The following CYRIA variants were observed in gnomAD, a reference collection of about 807,000 sequenced individuals.
The protein encoded by CYRIA is CYFIP-related Rac1 interactor A.
In CYRIA, 15 loss-of-function variants were observed where a neutral mutation model predicts 43.9. The ratio of observed to expected loss-of-function variants is 0.34; its 90% confidence interval spans 0.23 to 0.53. The LOEUF is 0.53. Ranked by LOEUF, CYRIA falls within the 20% of genes least tolerant of loss-of-function variation. The probability of loss-of-function intolerance (pLI) is 0.94; values close to 1 mark genes in which losing one functional copy is unlikely to be tolerated. For missense variants in CYRIA, 236 were observed against 394.2 expected (o/e 0.60, Z 3.40); for synonymous variants, 117 against 136.0 (o/e 0.86, Z 0.97).
chr2:16,614,703 C>T (rs1668720350), intron 2 of CYRIA, among the ~76,000 whole-genome samples: 1 of 152,196 alleles, frequency 6.6e-6, no homozygotes, highest in Non-Finnish European at 1.5e-5. Flanking sequence ...ATCTCAGGTC[C>T]TCTGGTACTC....
chr2:16,606,648 C>T (rs1022289992), intron 2 of CYRIA, among the ~76,000 whole-genome samples: 1 of 151,938 alleles, frequency 6.6e-6, no homozygotes, highest in Non-Finnish European at 1.5e-5. Flanking sequence ...TGAAGTTTAT[C>T]TGCCTCCATA....
intron 1 of CYRIA, among the ~76,000 whole-genome samples, chr2:16,629,184 C>G (rs4832471): frequency 0.45 from 68,540 of 151,942 alleles, 17,522 homozygotes; most frequent in East Asian, 0.8. Flanking sequence ...GACCTGGGGT[C>G]CTCAGGGGAC....
intron 1 of CYRIA, among the ~76,000 whole-genome samples, chr2:16,663,678 G>A (rs1019253499): frequency 2.9e-4 from 44 of 152,076 alleles, no homozygotes; most frequent in Admixed American, 2.8e-3. Flanking sequence ...AGTAAAAACA[G>A]GAAGTCACAA....
chr2:16,562,790 G>A (rs1287767797), intron 5 of CYRIA, among the ~76,000 whole-genome samples: 1 of 152,126 alleles, frequency 6.6e-6, no homozygotes, highest in African/African-American at 2.4e-5. Context: ...AGCCAAATCC[G>A]GTCCATTACT....
chr2:16,628,378 C>T (rs990859786), intron 1 of CYRIA, among the ~76,000 whole-genome samples: 1 of 152,144 alleles, frequency 6.6e-6, no homozygotes, highest in Non-Finnish European at 1.5e-5. Flanking sequence ...CTGTGAGGCC[C>T]CTGATCTCAC....
At chr2:16,609,389 T>C (rs565373545) in intron 2 of CYRIA, among the ~76,000 whole-genome samples, 6 of 152,162 alleles carry the variant, frequency 3.9e-5, no homozygotes, top group Non-Finnish European at 8.8e-5. Context: ...AACATCTCAA[T>C]TGTAACATGG....
Position 16,561,496 on chromosome 2 carries a change from T to A in CYRIA, c.473A>T (p.Tyr158Phe). 1 of 1,613,768 alleles carries A rather than the reference T, an allele frequency of 6.2e-7. No individual in the cohort carries two copies. The highest frequency in any genetic ancestry group is 8.5e-7 in the Non-Finnish European group (1 of 1,179,768). Residue 158 changes from tyrosine (Y) to phenylalanine (F), a missense_variant, in exon 7 of 12, where the codon TAC becomes TTC. Physicochemically the swap from Tyr to Phe is conservative, Grantham distance 22. Coordinates refer to ENST00000381323, the MANE Select transcript of CYRIA (RefSeq NM_030797.4). ...GCGGTTGCGACTGATTGTTCTTCTG[T>A]AGTAGCTGAAGTCATTCTGAATAGC... is the stretch of plus-strand genomic sequence containing the variant. ...NPAIQNDFSY[Y>F]RRTISRNRIN...
chr2:16,641,870 T>G (rs1335708028), intron 1 of CYRIA, among the ~76,000 whole-genome samples: 9 of 152,208 alleles, frequency 5.9e-5, no homozygotes, highest in Admixed American at 4.6e-4. Flanking sequence ...AACTCTCTCT[T>G]CATCTTTATT....
chr2:16,592,539 G>A (rs1166741719), intron 2 of CYRIA, among the ~76,000 whole-genome samples: 2 of 152,164 alleles, frequency 1.3e-5, no homozygotes, highest in African/African-American at 4.8e-5. Context: ...AAGTGAAGGT[G>A]TCTGGGCATC....
intron 1 of CYRIA, among the ~76,000 whole-genome samples, chr2:16,626,199 C>A (rs536077862): frequency 2.0e-5 from 3 of 151,936 alleles, no homozygotes; most frequent in Non-Finnish European, 2.9e-5. Context: ...ATTCATAGAC[C>A]CCTGATGGGC....
chr2:16,610,936 A>ATATC (rs1213859384), intron 2 of CYRIA, among the ~76,000 whole-genome samples: 10 of 127,938 alleles, frequency 7.8e-5, no homozygotes, highest in South Asian at 2.5e-4. Context: ...ATATATATAT[A>ATATC]TCCTGTATAT....
chr2:16,564,540 C>T (rs566049101), intron 4 of CYRIA, among the ~76,000 whole-genome samples: 4 of 152,204 alleles, frequency 2.6e-5, no homozygotes, highest in Non-Finnish European at 4.4e-5. Flanking sequence ...GTAGAAAAAC[C>T]ACCTCTTACT....
At chr2:16,635,287 T>C (rs921413246) in intron 1 of CYRIA, among the ~76,000 whole-genome samples, 3 of 152,184 alleles carry the variant, frequency 2.0e-5, no homozygotes, top group Non-Finnish European at 4.4e-5. Context: ...TGAGAGATCC[T>C]GATGGGGAGA....
intron 1 of CYRIA, among the ~76,000 whole-genome samples, chr2:16,630,145 C>T (rs1275621541): frequency 6.6e-6 from 1 of 152,212 alleles, no homozygotes; most frequent in African/African-American, 2.4e-5. Flanking sequence ...GCCCTCGCCC[C>T]ACTCTTGCTG....
chr2:16,638,868 C>T, intron 1 of CYRIA, among the ~76,000 whole-genome samples: 1 of 152,012 alleles, frequency 6.6e-6, no homozygotes, highest in Admixed American at 6.5e-5. Context: ...TTCACCAAGC[C>T]TTCAATTATT....
At chr2:16,591,660 C>T (rs1317460199) in intron 2 of CYRIA, among the ~76,000 whole-genome samples, 1 of 152,096 alleles carries the variant, frequency 6.6e-6, no homozygotes, top group African/African-American at 2.4e-5. Flanking sequence ...TCCATGGATA[C>T]CCTCTTAATG....
At chr2:16,576,419 G>A (rs772785733) in intron 3 of CYRIA, among the ~76,000 whole-genome samples, 11 of 152,140 alleles carry the variant, frequency 7.2e-5, no homozygotes, top group Non-Finnish European at 1.3e-4. Flanking sequence ...CAGGAACAAC[G>A]TAAGTGGAAG....
intron 2 of CYRIA, among the ~76,000 whole-genome samples, chr2:16,591,121 T>C (rs570633084): frequency 1.3e-5 from 2 of 151,856 alleles, no homozygotes; most frequent in African/African-American, 4.9e-5. Flanking sequence ...ACTCATGAAA[T>C]AGCTTAATTA....
At chr2:16,562,551 C>T (rs2103413081) in intron 5 of CYRIA, among the ~76,000 whole-genome samples, 1 of 152,250 alleles carries the variant, frequency 6.6e-6, no homozygotes, top group East Asian at 1.9e-4. Context: ...AAGACCTCTG[C>T]CCCTATTGGA....
Sources: allele counts gnomAD v4.1 joint callset (sites outside exome capture counted in the v4.1 genomes callset), GRCh38; gene constraint gnomAD v4.1.1; transcripts MANE v1.5; gene names NCBI Gene and HGNC (gene_info 2026-07-23, HGNC 2026-07-21).